Variants in SPHKAP observed in about 807,000 individuals in gnomAD.
SPHKAP encodes SPHK1 interactor, AKAP domain containing.
In SPHKAP, 67 loss-of-function variants were observed where a neutral mutation model predicts 137.5. The observed-to-expected ratio is 0.49, with a 90% CI of 0.40 to 0.60. The LOEUF is 0.60. Among genes scored for constraint, SPHKAP ranks in the 20% least tolerant of loss-of-function variants. The probability of loss-of-function intolerance (pLI) is 0.00; values close to 1 mark genes in which losing one functional copy is unlikely to be tolerated. For synonymous variants in SPHKAP, 813 were observed against 785.3 expected, an observed-to-expected ratio of 1.04 and a Z score of -0.59; for missense variants, 2,097 against 2,069.3, an observed-to-expected ratio of 1.01 and a Z score of -0.26.
intron 2 of SPHKAP, among the ~76,000 whole-genome samples, chr2:228,120,316 A>C (rs1211955596): frequency 6.6e-6 from 1 of 152,146 alleles, no homozygotes; most frequent in Non-Finnish European, 1.5e-5. Flanking sequence ...TGCTTTTTGC[A>C]ATATATACCT....
At chr2:228,133,908 C>A (rs1699346428) in intron 1 of SPHKAP, among the ~76,000 whole-genome samples, 1 of 152,036 alleles carries the variant, frequency 6.6e-6, no homozygotes, top group Admixed American at 6.6e-5. Context: ...AAAATAAAAT[C>A]TGTTTTGTTA....
chr2:228,122,290 T>C (rs575773330), intron 2 of SPHKAP, among the ~76,000 whole-genome samples: 1 of 151,452 alleles, frequency 6.6e-6, no homozygotes, highest in South Asian at 2.1e-4. Flanking sequence ...CCCCTTTTGA[T>C]TTTTTTTTAA....
rs146597573 is a variant in SPHKAP at position 228,179,570 on chromosome 2, T to C, written c.32+1997A>G. On this transcript the variant is annotated intron_variant, in intron 1 of 11. Coordinates refer to ENST00000392056, the MANE Select transcript of SPHKAP (RefSeq NM_001142644.2). ...AATACCCGAAATTACTACACTGATT[T>C]GTGGATTAAGAAGGCTAATAAAATA... Among the ~76,000 whole-genome samples, 14 of 152,246 alleles carry C rather than the reference T, an allele frequency of 9.2e-5. No homozygotes were observed. The East Asian group carries it at 2.5e-3, about 27-fold the overall frequency.
At chr2:228,075,321 T>G (rs1184651409) in intron 3 of SPHKAP, among the ~76,000 whole-genome samples, 1 of 152,208 alleles carries the variant, frequency 6.6e-6, no homozygotes, top group African/African-American at 2.4e-5. Context: ...CAGGTGTATA[T>G]GCACCTGCCC....
intron 7 of SPHKAP, among the ~76,000 whole-genome samples, chr2:228,009,115 T>G (rs1210020354): frequency 6.6e-6 from 1 of 152,188 alleles, no homozygotes; most frequent in Non-Finnish European, 1.5e-5. Flanking sequence ...ATAGCCTTTA[T>G]TTTTGAAGGA....
At chr2:228,102,531 T>C (rs1027609225) in intron 3 of SPHKAP, among the ~76,000 whole-genome samples, 1 of 152,198 alleles carries the variant, frequency 6.6e-6, no homozygotes, top group African/African-American at 2.4e-5. Context: ...TAAGATCTAA[T>C]TCGGAGTCCA....
rs1324331184 is a variant in SPHKAP, at chr2:228,020,295, T to C, written c.698-139A>G. On this transcript the variant is annotated intron_variant, in intron 6 of 11. Transcript: ENST00000392056. ...ATGTTTATTGCAGCACTATTCACAA[T>C]AGCAAAGACTTGGAACCAACCCAAA... 20 of 1,281,286 alleles carry C rather than the reference T, an allele frequency of 1.6e-5. No homozygotes were observed. The East Asian group carries it at 4.2e-4, about 27-fold the overall frequency. 79.4% of individuals were successfully genotyped at this position (1,281,286 alleles called of 1,614,324 possible). A position where few individuals can be genotyped will look rare whatever the true frequency, so the allele number is the denominator to read the frequency against.
intron 1 of SPHKAP, among the ~76,000 whole-genome samples, chr2:228,146,734 T>C (rs577977428): frequency 6.6e-6 from 1 of 152,380 alleles, no homozygotes; most frequent in Non-Finnish European, 1.5e-5. Flanking sequence ...GACACGACCT[T>C]GTTCTTTGTT....
intron 1 of SPHKAP, among the ~76,000 whole-genome samples, chr2:228,178,814 C>T (rs906243999): frequency 6.6e-5 from 10 of 151,724 alleles, no homozygotes; most frequent in Admixed American, 1.3e-4. Flanking sequence ...AAATCTGTGA[C>T]GCAATCCACA....
chr2:228,007,023 A>G (rs1294930312), intron 7 of SPHKAP, among the ~76,000 whole-genome samples: 2 of 152,194 alleles, frequency 1.3e-5, no homozygotes, highest in Admixed American at 6.5e-5. Context: ...CCATTCTCAT[A>G]TCTCCAACTC....
chr2:228,146,702 TTC>T (rs1369473228), intron 1 of SPHKAP, among the ~76,000 whole-genome samples: 1 of 152,226 alleles, frequency 6.6e-6, no homozygotes, highest in Non-Finnish European at 1.5e-5. Context: ...TAGTCTCCAG[TTC>T]CACGCGTGTT....
At chr2:227,993,723 G>T in intron 8 of SPHKAP, 103 bp from the exon 9 acceptor site, 3 of 1,017,802 alleles carry the variant, frequency 2.9e-6, no homozygotes, top group East Asian at 5.3e-5. Context: ...TTGGTCCCCA[G>T]AAAAATATCG....
At chr2:228,021,523 C>T (rs1034698825) in intron 6 of SPHKAP, among the ~76,000 whole-genome samples, 188 bp downstream of exon 6, 6 of 152,150 alleles carry the variant, frequency 3.9e-5, no homozygotes, top group Non-Finnish European at 4.4e-5. Context: ...CCATTAAGTC[C>T]GCTAAGTGAG....
intron 2 of SPHKAP, among the ~76,000 whole-genome samples, chr2:228,117,875 A>T (rs1413458593): frequency 1.3e-5 from 2 of 151,134 alleles, no homozygotes; most frequent in Admixed American, 6.6e-5. Context: ...AAAATTGCAA[A>T]ATTTTATTGG....
chr2:228,108,699 G>A (rs539139379), intron 3 of SPHKAP, 133 bp downstream of exon 3: 19 of 618,154 alleles, frequency 3.1e-5, no homozygotes, highest in South Asian at 1.0e-4. Flanking sequence ...ATATAAACCC[G>A]CTATGTATTT....
intron 3 of SPHKAP, among the ~76,000 whole-genome samples, chr2:228,048,808 G>A (rs1198808800): frequency 6.6e-6 from 1 of 152,166 alleles, no homozygotes; most frequent in African/African-American, 2.4e-5. Flanking sequence ...TTTTTGAGAA[G>A]TGTCTGTTCA....
At chr2:227,995,465 T>C in intron 8 of SPHKAP, 44 bp downstream of exon 8, 1 of 1,609,094 alleles carries the variant, frequency 6.2e-7, no homozygotes, top group Non-Finnish European at 8.5e-7. Flanking sequence ...TTAGAATCTG[T>C]GTTGAGACCA....
At chr2:228,113,089 A>G (rs891159587) in intron 2 of SPHKAP, among the ~76,000 whole-genome samples, 1 of 152,162 alleles carries the variant, frequency 6.6e-6, no homozygotes, top group Non-Finnish European at 1.5e-5. Flanking sequence ...TTGTTTGGTG[A>G]GAATATTCAT....
intron 3 of SPHKAP, among the ~76,000 whole-genome samples, chr2:228,098,946 T>C (rs1266006068): frequency 6.6e-6 from 1 of 152,184 alleles, no homozygotes; most frequent in Non-Finnish European, 1.5e-5. Context: ...TTGTTGGATG[T>C]ATTGTTTGTG....
Sources: allele counts gnomAD v4.1 joint callset (sites outside exome capture counted in the v4.1 genomes callset), GRCh38; gene constraint gnomAD v4.1.1; transcripts MANE v1.5; gene names NCBI Gene and HGNC (gene_info 2026-07-23, HGNC 2026-07-21).